Variants in SENP5 observed in about 807,000 individuals in gnomAD.
The protein encoded by SENP5 is sentrin-specific protease 5.
Under a neutral mutation model 74.2 loss-of-function variants are expected in SENP5, and 21 were observed. That is an observed-to-expected ratio of 0.28 (90% CI 0.20 to 0.41). SENP5 has a LOEUF of 0.41. Ranked by LOEUF, SENP5 falls within the 10% of genes least tolerant of loss-of-function variation. The probability of loss-of-function intolerance (pLI) is 1.00; values close to 1 mark genes in which losing one functional copy is unlikely to be tolerated. For synonymous variants in SENP5, 311 were observed against 312.7 expected (o/e 0.99, Z 0.06); for missense variants, 717 against 889.1 (o/e 0.81, Z 2.46).
chr3:196,907,067 C>T (rs764116926), intron 6 of SENP5, among the ~76,000 whole-genome samples: 1 of 152,062 alleles, frequency 6.6e-6, no homozygotes, highest in East Asian at 1.9e-4. Context: ...GACTGGACGG[C>T]CTATGGTTGT....
At chr3:196,903,656 A>G in intron 6 of SENP5, 46 bp downstream of exon 6, 1 of 1,208,146 alleles carries the variant, frequency 8.3e-7, no homozygotes, top group Non-Finnish European at 1.2e-6. Flanking sequence ...AACGCAGATG[A>G]TAAACCACTT....
chr3:196,912,989 A>G (rs1032998047), intron 6 of SENP5: 1 of 152,258 alleles, frequency 6.6e-6, no homozygotes, highest in African/African-American at 2.4e-5. Context: ...GGTGAGAAGC[A>G]AATTGTGTAA....
chr3:196,900,642 G>A (rs4916578), intron 5 of SENP5, among the ~76,000 whole-genome samples: 144,602 of 152,140 alleles, frequency 0.95, 68,768 homozygotes, highest in East Asian at 1. Flanking sequence ...CTGGAGTGCA[G>A]TGGCGTGATC....
At chr3:196,869,885 A>G (rs1050205728) in intron 1 of SENP5, among the ~76,000 whole-genome samples, 1 of 151,750 alleles carries the variant, frequency 6.6e-6, no homozygotes, top group Non-Finnish European at 1.5e-5. Flanking sequence ...GAATCCTTCA[A>G]AAATCATAGA....
At chr3:196,904,229 A>G (rs1216575005) in intron 6 of SENP5, among the ~76,000 whole-genome samples, 1 of 152,216 alleles carries the variant, frequency 6.6e-6, no homozygotes, top group Non-Finnish European at 1.5e-5. Context: ...GGGATAGGGT[A>G]GCAGGAGGAA....
rs113660954 is a variant in SENP5, at chr3:196,922,247, A to G, written c.1885-1167A>G. 4.6e-5 allele frequency among the ~76,000 whole-genome samples: 7 copies of G among 152,298 alleles called. 1 individual carries two copies. Among genetic ancestry groups the G allele is most frequent in the African/African-American group, 1.7e-4 (7 of 41,560 alleles). The stretch of plus-strand genomic sequence containing the variant: ...ATAAGGTAGGTACTATTTTCTATCC[A>G]TTTTATTAGTTGCGGAAATCAAGGT... On this transcript the variant is annotated intron_variant, in intron 6 of 9. Transcript: ENST00000323460.
At position 196,929,988 on chromosome 3, in the gene SENP5, A is replaced by AAAT. The variant is rs1491505497; in HGVS notation, c.2157+307_2157+308insTAA. Among the ~76,000 whole-genome samples, 396 of 79,320 alleles carry AAAT rather than the reference A, an allele frequency of 5.0e-3. 2 individuals are homozygous for AAAT. Among genetic ancestry groups the AAAT allele is most frequent in the Non-Finnish European group, 7.5e-3 (248 of 33,010 alleles). The allele number at this position is 79,320 out of a possible 152,430, so 52.0% of individuals were successfully genotyped here. On this transcript the variant is annotated intron_variant, in intron 9 of 9. Coordinates refer to ENST00000323460, the MANE Select transcript of SENP5 (RefSeq NM_152699.5). ...ATATCATAACCATTGGCATTTGCATAAAAAAAAAAAAAAAAAAACATTGGC... is the reference window on the plus strand; with the variant it reads ...ATATCATAACCATTGGCATTTGCATAAATAAAAAAAAAAAAAAAAAACATTGGC...
chr3:196,915,751 T>G (rs1049391154), intron 6 of SENP5, among the ~76,000 whole-genome samples: 2 of 152,032 alleles, frequency 1.3e-5, no homozygotes, highest in African/African-American at 4.8e-5. Context: ...GAATGAGAGA[T>G]CGCCTAATAA....
rs772767227 is a variant in SENP5, at chr3:196,885,756, G to A, written c.575G>A (p.Arg192Lys). The change falls in exon 2 of 10, where the codon AGA becomes AAA. Residue 192 changes from arginine (R) to lysine (K), a missense_variant. Arg to Lys is a conservative substitution (Grantham distance 26, BLOSUM62 2). Around this residue, in one of 4 missense-constraint regions of SENP5, gnomAD observed 567 missense variants for 577.4 expected, o/e 0.98. Transcript: ENST00000323460. ...GTGGTCACCTTGAACAACCATAAGA[G>A]AAAGGGCTTTTGTTACGGCTGCTGC... ...TIVVTLNNHK[R>K]KGFCYGCCQG... 6.2e-7 allele frequency: 1 copy of A among 1,614,252 alleles called. No homozygotes were observed. The highest frequency in any genetic ancestry group is 1.1e-5 in the South Asian group (1 of 91,082).
At chr3:196,930,121 G>GA (rs1392777721) in intron 9 of SENP5, among the ~76,000 whole-genome samples, 3 of 152,010 alleles carry the variant, frequency 2.0e-5, no homozygotes, top group Non-Finnish European at 4.4e-5. Flanking sequence ...AAGGGCTATG[G>GA]AAAAAAATTC....
At chr3:196,914,580 A>AT (rs1346805512) in intron 6 of SENP5, 11 of 70,148 alleles carry the variant, frequency 1.6e-4, no homozygotes, top group South Asian at 6.1e-4. Flanking sequence ...AAAAAAAAAA[A>AT]AAAAAAATAT....
chr3:196,882,593 T>C (rs902564702), intron 1 of SENP5, among the ~76,000 whole-genome samples: 1 of 152,164 alleles, frequency 6.6e-6, no homozygotes, highest in Non-Finnish European at 1.5e-5. Flanking sequence ...AACCTCTGCC[T>C]CCCAGGTTCA....
intron 6 of SENP5, among the ~76,000 whole-genome samples, chr3:196,915,333 G>A (rs1715326204): frequency 6.6e-6 from 1 of 152,158 alleles, no homozygotes; most frequent in Non-Finnish European, 1.5e-5. Flanking sequence ...GAACGGAGAG[G>A]AAAGAGTACA....
chr3:196,903,472 G>T, intron 5 of SENP5, 61 bp from the exon 6 acceptor site: 1 of 1,038,458 alleles, frequency 9.6e-7, no homozygotes, highest in Non-Finnish European at 1.4e-6. Flanking sequence ...TTCCTCTTTT[G>T]AAGTTAAATC....
chr3:196,918,796 C>T (rs1261875828), intron 6 of SENP5, among the ~76,000 whole-genome samples: 2 of 152,008 alleles, frequency 1.3e-5, no homozygotes, highest in Non-Finnish European at 2.9e-5. Flanking sequence ...TATACACAGA[C>T]TGAAAGGGCT....
At chr3:196,921,811 G>A (rs1264097855) in intron 6 of SENP5, among the ~76,000 whole-genome samples, 1 of 152,202 alleles carries the variant, frequency 6.6e-6, no homozygotes, top group Non-Finnish European at 1.5e-5. Flanking sequence ...GTATCAGAAA[G>A]CGAGAAGGAA....
At chr3:196,885,049 A>T in intron 1 of SENP5, 102 bp from the exon 2 acceptor site, 1 of 664,040 alleles carries the variant, frequency 1.5e-6, no homozygotes, top group Non-Finnish European at 2.6e-6. Context: ...ATTGAAGTAT[A>T]TGTACTCTTT....
In SENP5 at chr3:196,933,546, T is replaced by C. The variant is rs544911257; in HGVS notation, c.*2623T>C. 1 of 152,300 alleles carries C rather than the reference T, an allele frequency of 6.6e-6. No individual in the cohort carries two copies. Among genetic ancestry groups the C allele is most frequent in the Non-Finnish European group, 1.5e-5 (1 of 68,052 alleles). 9.4% of individuals were successfully genotyped at this position (152,300 alleles called of 1,614,324 possible). ...TGTTGGTGAAAGAGGCAGGCATGGC[T>C]TTACTGGTACTAGTTTGGCACTGAA... On this transcript the variant is annotated 3_prime_UTR_variant, in exon 10 of 10. Coordinates refer to ENST00000323460, the MANE Select transcript of SENP5 (RefSeq NM_152699.5).
At chr3:196,872,017 T>G (rs1577786696) in intron 1 of SENP5, among the ~76,000 whole-genome samples, 5 of 152,344 alleles carry the variant, frequency 3.3e-5, no homozygotes, top group Admixed American at 3.3e-4. Context: ...CCCAAAGTGC[T>G]GGGATTACAG....
Sources: gnomAD v4.1 joint callset for allele counts (sites outside exome capture counted in the v4.1 genomes callset) on GRCh38, gnomAD v4.1.1 for gene constraint, gnomAD v4.1.1 regional missense constraint, MANE v1.5 for transcripts, NCBI Gene and HGNC (gene_info 2026-07-23, HGNC 2026-07-21) for gene names.